FRMD4A: variants seen among roughly 807,000 people sequenced by gnomAD.
The protein encoded by FRMD4A is FERM domain-containing protein 4A.
FRMD4A carries 29 observed loss-of-function variants against 129.1 expected under a neutral mutation model. That is an observed-to-expected ratio of 0.22 (90% CI 0.17 to 0.31). The LOEUF is 0.31. Among genes scored for constraint, FRMD4A ranks in the 10% least tolerant of loss-of-function variants. The probability of loss-of-function intolerance (pLI) is 1.00; values close to 1 mark genes in which losing one functional copy is unlikely to be tolerated. For synonymous variants in FRMD4A, 634 were observed against 571.6 expected, an observed-to-expected ratio of 1.11 and a Z score of -1.56; for missense variants, 1,272 against 1,375.8, an observed-to-expected ratio of 0.92 and a Z score of 1.19.
intron 2 of FRMD4A, among the ~76,000 whole-genome samples, chr10:14,143,809 T>G (rs1464137726): frequency 6.6e-6 from 1 of 152,094 alleles, no homozygotes; most frequent in South Asian, 2.1e-4. Context: ...AGATGGGGTT[T>G]CGTTGACCAG....
At chr10:14,176,720 C>A (rs901494642) in intron 2 of FRMD4A, among the ~76,000 whole-genome samples, 2 of 152,088 alleles carry the variant, frequency 1.3e-5, no homozygotes, top group Non-Finnish European at 2.9e-5. Context: ...CGATCCACCC[C>A]CTCGGCCTCC....
chr10:13,876,379 G>T (rs978343911), intron 2 of FRMD4A, among the ~76,000 whole-genome samples: 4 of 152,182 alleles, frequency 2.6e-5, no homozygotes, highest in African/African-American at 9.7e-5. Flanking sequence ...TTTTAGTACA[G>T]ACTGATAGGC....
At chr10:13,679,205 C>T (rs957762291) in intron 15 of FRMD4A, among the ~76,000 whole-genome samples, 15 of 150,664 alleles carry the variant, frequency 1.0e-4, no homozygotes, top group African/African-American at 2.0e-4. Flanking sequence ...AGGTGGGTCA[C>T]GAGGTCAGGA....
At chr10:13,663,114 T>C (rs1225247369) in intron 19 of FRMD4A, among the ~76,000 whole-genome samples, 13 of 150,764 alleles carry the variant, frequency 8.6e-5, no homozygotes. Flanking sequence ...CACTTGAGCC[T>C]AGGAGGCAGA....
At chr10:14,178,939 C>G (rs1589133059) in intron 2 of FRMD4A, among the ~76,000 whole-genome samples, 1 of 152,150 alleles carries the variant, frequency 6.6e-6, no homozygotes, top group Admixed American at 6.5e-5. Context: ...ACTCCCCACA[C>G]CAAGGAACCT....
At chr10:13,674,397 C>T (rs1017290122) in intron 16 of FRMD4A, among the ~76,000 whole-genome samples, 5 of 152,168 alleles carry the variant, frequency 3.3e-5, no homozygotes, top group South Asian at 4.1e-4. Flanking sequence ...TGGGACTTGT[C>T]GCTTGGACTC....
intron 5 of FRMD4A, among the ~76,000 whole-genome samples, chr10:13,787,674 G>T (rs1480409237): frequency 6.6e-6 from 1 of 151,728 alleles, no homozygotes. Flanking sequence ...GCCCAGGCTG[G>T]TCTTGAACTC....
chr10:14,039,389 TCC>T (rs1565204455), intron 2 of FRMD4A, among the ~76,000 whole-genome samples: 20 of 136,930 alleles, frequency 1.5e-4, no homozygotes, highest in African/African-American at 5.1e-4. Context: ...CATCCATCCA[TCC>T]ATCCATCCAT....
At chr10:13,871,416 T>TA (rs34510743) in intron 2 of FRMD4A, among the ~76,000 whole-genome samples, 4 of 152,004 alleles carry the variant, frequency 2.6e-5, no homozygotes, top group Non-Finnish European at 4.4e-5. Context: ...TGTTCCTTTT[T>TA]AAAAAAAATC....
At chr10:13,704,778 C>T (rs889842283) in intron 13 of FRMD4A, among the ~76,000 whole-genome samples, 3 of 152,110 alleles carry the variant, frequency 2.0e-5, no homozygotes, top group Non-Finnish European at 4.4e-5. Context: ...TGAGTTCCTT[C>T]TTCTCAGCCA....
At chr10:14,295,050 G>C (rs760023220) in intron 2 of FRMD4A, among the ~76,000 whole-genome samples, 6 of 152,170 alleles carry the variant, frequency 3.9e-5, no homozygotes, top group Non-Finnish European at 8.8e-5. Context: ...TCTCTCCCTC[G>C]TTAAAGCAGT....
At chr10:14,150,630 G>A (rs1416227015) in intron 2 of FRMD4A, among the ~76,000 whole-genome samples, 1 of 152,026 alleles carries the variant, frequency 6.6e-6, no homozygotes, top group African/African-American at 2.4e-5. Context: ...TAAAGACCTA[G>A]AGGCTCTGCC....
chr10:13,858,903 C>T lies in FRMD4A; in HGVS notation c.55G>A (p.Gly19Ser), dbSNP rs2094251811. ...AGAAGATGTACTTGACATCGGCGGC[C>T]CTCCGTCATCTAAGAGGGAAGAGAA... ...SALGLLMMTE[G>S]RRCQVHLLDD... Residue 19 changes from glycine (G) to serine (S), a missense_variant, in exon 3 of 25, where the codon GGC (glycine) becomes AGC (serine). Physicochemically the swap from Gly to Ser is moderately conservative, Grantham distance 56. Transcript: ENST00000357447. 1.3e-6 allele frequency: 2 copies of T among 1,595,060 alleles called. No individual in the cohort carries two copies. The highest frequency in any genetic ancestry group is 1.7e-6 in the Non-Finnish European group (2 of 1,162,654).
chr10:13,782,912 G>A lies in FRMD4A; in HGVS notation c.384+10C>T, dbSNP rs1237197721. 1 of 1,198,442 alleles carries A rather than the reference G, an allele frequency of 8.3e-7. No homozygotes were observed. The highest frequency in any genetic ancestry group is 1.2e-5 in the South Asian group (1 of 82,864). The allele number at this position is 1,198,442 out of a possible 1,614,324, so 74.2% of individuals were successfully genotyped here. ...TTTCAGAGGGAAATTGAGGGAGAGG[G>A]AGTTCCTACCTTGTAGATGCAGGAC... On this transcript the variant is annotated intron_variant, in intron 6 of 24. Coordinates refer to ENST00000357447, the MANE Select transcript of FRMD4A (RefSeq NM_018027.5).
chr10:14,080,305 G>A (rs1835854256), intron 2 of FRMD4A, among the ~76,000 whole-genome samples: 1 of 152,132 alleles, frequency 6.6e-6, no homozygotes, highest in South Asian at 2.1e-4. Flanking sequence ...TTTGTGTTAT[G>A]TGCCACCTGA....
At chr10:13,970,239 T>G (rs776875034) in intron 2 of FRMD4A, among the ~76,000 whole-genome samples, 5 of 152,190 alleles carry the variant, frequency 3.3e-5, no homozygotes, top group Non-Finnish European at 7.4e-5. Context: ...GTACGTGCCC[T>G]TCAAGCACGA....
chr10:14,329,983 G>A (rs1843450313), intron 2 of FRMD4A, 75 bp downstream of exon 2: 2 of 1,356,004 alleles, frequency 1.5e-6, no homozygotes, highest in Non-Finnish European at 2.1e-6. Flanking sequence ...CCACTGCAGC[G>A]GCAGCAGCAG....
At chr10:14,138,537 G>A (rs1839663296) in intron 2 of FRMD4A, among the ~76,000 whole-genome samples, 1 of 152,012 alleles carries the variant, frequency 6.6e-6, no homozygotes, top group African/African-American at 2.4e-5. Flanking sequence ...GATGAGGGCA[G>A]ATCATGAGGT....
At chr10:14,057,297 A>T (rs1055007194) in intron 2 of FRMD4A, among the ~76,000 whole-genome samples, 2 of 152,228 alleles carry the variant, frequency 1.3e-5, no homozygotes, top group Non-Finnish European at 2.9e-5. Flanking sequence ...TTCATTCAAG[A>T]AAAGCAATAA....
Sources: gnomAD v4.1 joint callset for allele counts (sites outside exome capture counted in the v4.1 genomes callset) on GRCh38, gnomAD v4.1.1 for gene constraint, MANE v1.5 for transcripts, NCBI Gene and HGNC (gene_info 2026-07-23, HGNC 2026-07-21) for gene names.